Variants in C9orf153 observed in about 807,000 individuals in gnomAD.
The protein encoded by C9orf153 is uncharacterized protein C9orf153.
Under a neutral mutation model 9.0 loss-of-function variants are expected in C9orf153, and 10 were observed. The observed-to-expected ratio is 1.11, with a 90% CI of 0.69 to 1.89. C9orf153 has a LOEUF of 1.89. Among genes scored for constraint, C9orf153 ranks in the 40% most tolerant of loss-of-function variants. C9orf153 has a pLI of 0.00. For missense variants in C9orf153, 108 were observed against 111.0 expected, an observed-to-expected ratio of 0.97 and a Z score of 0.12; for synonymous variants, 35 against 37.3, an observed-to-expected ratio of 0.94 and a Z score of 0.23.
intron 1 of C9orf153, among the ~76,000 whole-genome samples, chr9:86,232,292 T>C (rs1329595342): frequency 6.6e-6 from 1 of 152,200 alleles, no homozygotes; most frequent in Non-Finnish European, 1.5e-5. Context: ...TAGCCGAAAA[T>C]GCTTTTAGAC....
At chr9:86,251,396 A>G (rs993459591) in intron 1 of C9orf153, among the ~76,000 whole-genome samples, 1 of 152,200 alleles carries the variant, frequency 6.6e-6, no homozygotes, top group East Asian at 1.9e-4. Context: ...TGTGACTAAC[A>G]GTTAAAATTG....
chr9:86,239,261 A>AT (rs1043734818), intron 1 of C9orf153, among the ~76,000 whole-genome samples: 17 of 152,030 alleles, frequency 1.1e-4, no homozygotes, highest in African/African-American at 4.1e-4. Flanking sequence ...CTCTGTTAAA[A>AT]AAAAAAAAAA....
chr9:86,229,573 C>T lies in C9orf153; in HGVS notation c.31G>A (p.Glu11Lys), dbSNP rs757025356. 1 of 1,613,254 alleles carries T rather than the reference C, an allele frequency of 6.2e-7. No homozygotes were observed. The highest frequency in any genetic ancestry group is 1.1e-5 in the South Asian group (1 of 91,040). Reference sequence around the variant, plus strand: ...GGAAGGGTGGCTTCTCTATTGTCCTCAGCTGGACTGGTGTCTCCAGTGAGG... The same window carrying T: ...GGAAGGGTGGCTTCTCTATTGTCCTTAGCTGGACTGGTGTCTCCAGTGAGG... MFLTGDTSPA[E>K]DNREATLPQC... Residue 11 changes from glutamate (E) to lysine (K), a missense_variant, in exon 2 of 4, where the codon GAG becomes AAG. Glu to Lys is a moderately conservative substitution (Grantham distance 56). Transcript: ENST00000339137.
chr9:86,237,903 A>C (rs1389007944), intron 1 of C9orf153, among the ~76,000 whole-genome samples: 2 of 152,066 alleles, frequency 1.3e-5, no homozygotes, highest in Non-Finnish European at 2.9e-5. Context: ...ACATGGCGAA[A>C]CCCTGTCTCT....
chr9:86,221,765 T>C (rs1824208580), intron 3 of C9orf153, 32 bp from the exon 4 acceptor site: 2 of 1,449,676 alleles, frequency 1.4e-6, no homozygotes, highest in Non-Finnish European at 1.9e-6. Flanking sequence ...AAGAATCACA[T>C]GGTGTTGTTA....
At chr9:86,229,971 C>T (rs1040675764) in intron 1 of C9orf153, among the ~76,000 whole-genome samples, 2 of 152,028 alleles carry the variant, frequency 1.3e-5, no homozygotes, top group Non-Finnish European at 2.9e-5. Context: ...GGGGGAAGTG[C>T]TATACACTTT....
At chr9:86,244,656 G>A (rs544556651) in intron 1 of C9orf153, among the ~76,000 whole-genome samples, 107 of 152,274 alleles carry the variant, frequency 7.0e-4, no homozygotes, top group African/African-American at 2.4e-3. Flanking sequence ...CTTGGCGAAT[G>A]AATACTTATG....
chr9:86,232,775 C>T (rs548338292), intron 1 of C9orf153, among the ~76,000 whole-genome samples: 86 of 152,100 alleles, frequency 5.7e-4, no homozygotes, highest in Non-Finnish European at 1.1e-3. Flanking sequence ...CTCTGTCACC[C>T]AGGCTGGAGT....
chr9:86,240,072 A>G (rs1824697202), intron 1 of C9orf153, among the ~76,000 whole-genome samples: 2 of 152,218 alleles, frequency 1.3e-5, no homozygotes, highest in South Asian at 4.1e-4. Context: ...ATATTCTGTG[A>G]ACATTTACTA....
At position 86,234,864 on chromosome 9, in the gene C9orf153, CA is replaced by C. The variant is rs558560075; in HGVS notation, c.-26-5236del. Among the ~76,000 whole-genome samples the C allele has an allele frequency of 4.6e-3, 697 of 152,294 alleles. 6 individuals are homozygous for C. Among genetic ancestry groups the C allele is most frequent in the African/African-American group, 0.016 (656 of 41,546 alleles). ...CACTTAGAAATCAGCAATTAAAAGA[CA>C]ACCCAGCTGAAATATGGGCAACGGG... On this transcript the variant is annotated intron_variant, in intron 1 of 3. Coordinates refer to ENST00000339137, the MANE Select transcript of C9orf153 (RefSeq NM_001276366.4).
At chr9:86,249,995 C>T (rs763066200) in intron 1 of C9orf153, among the ~76,000 whole-genome samples, 14 of 152,066 alleles carry the variant, frequency 9.2e-5, no homozygotes, top group South Asian at 2.1e-4. Context: ...GATGGTTATA[C>T]GTTCGTCTTC....
At chr9:86,253,396 G>A (rs1028994099) in intron 1 of C9orf153, among the ~76,000 whole-genome samples, 1 of 152,128 alleles carries the variant, frequency 6.6e-6, no homozygotes, top group Non-Finnish European at 1.5e-5. Flanking sequence ...AAGATATTTT[G>A]GGGACTTCTA....
intron 3 of C9orf153, chr9:86,227,426 C>T: frequency 6.9e-7 from 1 of 1,456,168 alleles, no homozygotes; most frequent in South Asian, 1.7e-5. Flanking sequence ...TAATAGCAGC[C>T]ATGAACCTCA....
intron 1 of C9orf153, among the ~76,000 whole-genome samples, chr9:86,253,092 T>C (rs953344157): frequency 6.6e-6 from 1 of 152,214 alleles, no homozygotes; most frequent in Non-Finnish European, 1.5e-5. Flanking sequence ...TTGGAAACTA[T>C]TTGTGAGTAT....
chr9:86,222,804 G>A (rs1394073149), intron 3 of C9orf153, among the ~76,000 whole-genome samples: 1 of 152,128 alleles, frequency 6.6e-6, no homozygotes, highest in East Asian at 1.9e-4. Flanking sequence ...CAGACAAGCA[G>A]GATGACTGGT....
At chr9:86,257,434 G>A (rs529140813) in intron 1 of C9orf153, among the ~76,000 whole-genome samples, 7 of 152,284 alleles carry the variant, frequency 4.6e-5, no homozygotes, top group African/African-American at 1.4e-4. Context: ...TAATCAGTTG[G>A]AGGCTCCATC....
At chr9:86,235,894 A>G (rs1246712669) in intron 1 of C9orf153, among the ~76,000 whole-genome samples, 1 of 152,058 alleles carries the variant, frequency 6.6e-6, no homozygotes, top group Non-Finnish European at 1.5e-5. Flanking sequence ...CAAAAGCAAT[A>G]TTTGAAGCAA....
chr9:86,236,630 ACCTGT>A (rs1207092673), intron 1 of C9orf153, among the ~76,000 whole-genome samples: 1 of 151,940 alleles, frequency 6.6e-6, no homozygotes, highest in Non-Finnish European at 1.5e-5. Flanking sequence ...TTGCCAGTAG[ACCTGT>A]CTTGCAAGAA....
chr9:86,228,286 A>C (rs1824387605), intron 2 of C9orf153, among the ~76,000 whole-genome samples: 1 of 152,238 alleles, frequency 6.6e-6, no homozygotes, highest in Admixed American at 6.5e-5. Context: ...TGCTTGTTAT[A>C]AAATTAGGCA....
Sources: allele counts gnomAD v4.1 joint callset (sites outside exome capture counted in the v4.1 genomes callset), GRCh38; gene constraint gnomAD v4.1.1; transcripts MANE v1.5; gene names NCBI Gene and HGNC (gene_info 2026-07-23, HGNC 2026-07-21).